The following CSGALNACT1 variants were observed in gnomAD, a reference collection of about 807,000 sequenced individuals.
CSGALNACT1 encodes beta4GalNAcT-1.
In CSGALNACT1, 52 loss-of-function variants were observed where a neutral mutation model predicts 51.0. The observed-to-expected ratio is 1.02, with a 90% CI of 0.82 to 1.29. The LOEUF is 1.29. Among genes scored for constraint, CSGALNACT1 ranks in the 50% most tolerant of loss-of-function variants. CSGALNACT1 has a pLI of 0.00. For missense variants in CSGALNACT1, 935 were observed against 679.2 expected (o/e 1.38, Z -4.19); for synonymous variants, 341 against 254.4 (o/e 1.34, Z -3.24).
Position 19,507,168 on chromosome 8 carries a change from CAGG to C in CSGALNACT1, c.-296-1041_-296-1039del, listed in dbSNP as rs1268386702. Among the ~76,000 whole-genome samples the C allele has an allele frequency of 2.0e-5, 3 of 152,092 alleles. No individual in the cohort carries two copies. The East Asian group carries it at 5.8e-4, about 29-fold the overall frequency. On this transcript the variant is annotated intron_variant, in intron 3 of 9. Transcript: ENST00000454498. ...CTAACTCTTTGATGCTGCTTACAGACAGGAGATGAATTTATCATAGAAGGGATG... is the reference window on the plus strand; with the variant it reads ...CTAACTCTTTGATGCTGCTTACAGACAGATGAATTTATCATAGAAGGGATG...
intron 1 of CSGALNACT1, among the ~76,000 whole-genome samples, chr8:19,672,355 T>C (rs2059860346): frequency 6.6e-6 from 1 of 152,182 alleles, no homozygotes; most frequent in African/African-American, 2.4e-5. Context: ...ACAAAAAAAA[T>C]TGAGTGTTCA....
intron 8 of CSGALNACT1, among the ~76,000 whole-genome samples, chr8:19,416,250 G>A (rs1017960045): frequency 2.6e-5 from 4 of 151,720 alleles, no homozygotes; most frequent in African/African-American, 9.7e-5. Context: ...GAGTAGTTGG[G>A]ATTACAGGCG....
chr8:19,489,372 T>A (rs1388754692), intron 4 of CSGALNACT1, among the ~76,000 whole-genome samples: 1 of 152,146 alleles, frequency 6.6e-6, no homozygotes, highest in Non-Finnish European at 1.5e-5. Flanking sequence ...GCTTAGTCTC[T>A]CTCTCAAAGG....
chr8:19,507,129 GA>G (rs1194472421), intron 3 of CSGALNACT1, among the ~76,000 whole-genome samples: 3 of 152,162 alleles, frequency 2.0e-5, no homozygotes, highest in Non-Finnish European at 4.4e-5. Flanking sequence ...GGGATCAGGG[GA>G]CAATGGTTCC....
At chr8:19,447,939 G>A (rs909272769) in intron 5 of CSGALNACT1, among the ~76,000 whole-genome samples, 1 of 152,212 alleles carries the variant, frequency 6.6e-6, no homozygotes, top group Non-Finnish European at 1.5e-5. Flanking sequence ...ATGTAATGGT[G>A]TTAGTGTGAT....
intron 1 of CSGALNACT1, among the ~76,000 whole-genome samples, chr8:19,729,364 A>G (rs2063567049): frequency 6.6e-6 from 1 of 152,206 alleles, no homozygotes. Flanking sequence ...AACCATTCCT[A>G]TGCATGGTTC....
intron 3 of CSGALNACT1, among the ~76,000 whole-genome samples, chr8:19,563,156 C>T (rs928769269): frequency 6.6e-5 from 10 of 152,132 alleles, no homozygotes; most frequent in East Asian, 5.8e-4. Flanking sequence ...AAGCCATTAA[C>T]CTTAGCAAAC....
chr8:19,470,085 A>G (rs765521095), intron 4 of CSGALNACT1, among the ~76,000 whole-genome samples: 3 of 152,200 alleles, frequency 2.0e-5, no homozygotes, highest in Non-Finnish European at 4.4e-5. Context: ...ACAAATAGAA[A>G]TGGATAATAC....
At chr8:19,738,892 A>ACCAGG (rs1313884847) in intron 1 of CSGALNACT1, among the ~76,000 whole-genome samples, 1 of 152,180 alleles carries the variant, frequency 6.6e-6, no homozygotes. Context: ...CAAAACAAGT[A>ACCAGG]AATGACAATA....
At chr8:19,419,412 A>C (rs532804014) in intron 7 of CSGALNACT1, among the ~76,000 whole-genome samples, 19 of 152,304 alleles carry the variant, frequency 1.2e-4, no homozygotes, top group Admixed American at 3.9e-4. Flanking sequence ...ACTTTGGGTC[A>C]GGGTGACTTT....
chr8:19,485,241 T>C (rs1286532655), intron 4 of CSGALNACT1, among the ~76,000 whole-genome samples: 4 of 152,144 alleles, frequency 2.6e-5, no homozygotes, highest in African/African-American at 9.7e-5. Flanking sequence ...AACACACTCT[T>C]GTGTGTTCGG....
chr8:19,610,365 G>GCTAGGATT (rs2052060907), intron 1 of CSGALNACT1, among the ~76,000 whole-genome samples: 1 of 151,026 alleles, frequency 6.6e-6, no homozygotes, highest in South Asian at 2.1e-4. Context: ...GTGGTCCCTG[G>GCTAGGATT]CTAGGATTCC....
upstream of CSGALNACT1, among the ~76,000 whole-genome samples, chr8:19,685,539 G>A (rs1165704391): frequency 6.6e-6 from 1 of 152,136 alleles, no homozygotes; most frequent in Non-Finnish European, 1.5e-5. Context: ...ATTTGAGGAT[G>A]CTCCTAATTA....
At chr8:19,646,834 T>C (rs1244950597) in intron 1 of CSGALNACT1, among the ~76,000 whole-genome samples, 2 of 152,192 alleles carry the variant, frequency 1.3e-5, no homozygotes, top group African/African-American at 4.8e-5. Flanking sequence ...ATCTATTGCG[T>C]TGACCTGCAT....
intron 3 of CSGALNACT1, among the ~76,000 whole-genome samples, chr8:19,576,571 A>G (rs2044269016): frequency 6.9e-6 from 1 of 145,094 alleles, no homozygotes; most frequent in African/African-American, 2.6e-5. Context: ...CACAGATGAT[A>G]TGGATGGAGA....
At chr8:19,467,248 T>C (rs1331719574) in intron 4 of CSGALNACT1, among the ~76,000 whole-genome samples, 1 of 151,126 alleles carries the variant, frequency 6.6e-6, no homozygotes, top group African/African-American at 2.4e-5. Flanking sequence ...GCCTCCTGAG[T>C]AGCTGGGACT....
chr8:19,750,195 A>G (rs1305824162), intron 1 of CSGALNACT1, among the ~76,000 whole-genome samples: 4 of 152,048 alleles, frequency 2.6e-5, no homozygotes, highest in African/African-American at 9.7e-5. Context: ...ACCTTATTCT[A>G]CACCATAGGT....
intron 4 of CSGALNACT1, among the ~76,000 whole-genome samples, chr8:19,480,488 A>G (rs1260707206): frequency 6.6e-6 from 1 of 152,144 alleles, no homozygotes; most frequent in Non-Finnish European, 1.5e-5. Flanking sequence ...TGGTATGTAC[A>G]TACCACATTT....
At chr8:19,655,509 G>A (rs2058180811) in intron 1 of CSGALNACT1, among the ~76,000 whole-genome samples, 1 of 151,352 alleles carries the variant, frequency 6.6e-6, no homozygotes, top group East Asian at 1.9e-4. Flanking sequence ...TAAGGCATGT[G>A]CCACCATTCC....
Sources: gnomAD v4.1 joint callset for allele counts (sites outside exome capture counted in the v4.1 genomes callset) on GRCh38, gnomAD v4.1.1 for gene constraint, MANE v1.5 for transcripts, NCBI Gene and HGNC (gene_info 2026-07-23, HGNC 2026-07-21) for gene names.